Variants in ADAM10 observed in about 807,000 individuals in gnomAD.
ADAM10 encodes ADAM metallopeptidase domain 10, also known as disintegrin and metalloproteinase domain-containing protein 10.
Under a neutral mutation model 90.1 loss-of-function variants are expected in ADAM10, and 17 were observed. The ratio of observed to expected loss-of-function variants is 0.19; its 90% CI spans 0.13 to 0.28. ADAM10 has a LOEUF of 0.28. ADAM10 is among the 10% of genes least tolerant of loss of function. The pLI is 1.00. For missense variants in ADAM10, 610 were observed against 914.3 expected (o/e 0.67, Z 4.29); for synonymous variants, 310 against 298.6 (o/e 1.04, Z -0.40).
Position 58,591,745 on chromosome 15 carries a change from C to T in ADAM10, c.*5802G>A, listed in dbSNP as rs997823743. The T allele has an allele frequency of 1.3e-5, 2 of 152,176 alleles. No homozygotes were observed. Among genetic ancestry groups the T allele is most frequent in the Admixed American group, 6.5e-5 (1 of 15,274 alleles). 9.4% of individuals were successfully genotyped at this position (152,176 alleles called of 1,614,324 possible). A position where few individuals can be genotyped will look rare whatever the true frequency, so the allele number is the denominator to read the frequency against. On this transcript the variant is annotated 3_prime_UTR_variant, in exon 16 of 16. Coordinates refer to ENST00000260408, the MANE Select transcript of ADAM10 (RefSeq NM_001110.4). ...TATTTTTAAGCAAAAACTTATACAT[C>T]GTATCATTTCATTTTTTAAGTGTTT...
At position 58,631,675 on chromosome 15, in the gene ADAM10, G is replaced by A. The variant is rs79724510; in HGVS notation, c.1176+1521C>T. ...ACTAAAGGCCAGACAAGTAGCTGGA[G>A]GAGTACTAAAATTCCCCTGGTAAGG... On this transcript the variant is annotated intron_variant, in intron 9 of 15. Coordinates refer to ENST00000260408, the MANE Select transcript of ADAM10 (RefSeq NM_001110.4). 8.5e-3 allele frequency among the ~76,000 whole-genome samples: 1,294 copies of A among 152,280 alleles called. 31 individuals are homozygous for A. The highest frequency in any genetic ancestry group is 0.029 in the African/African-American group (1,219 of 41,528).
chr15:58,640,994 A>T (rs559431936), intron 7 of ADAM10, 34 bp from the exon 8 acceptor site: 1 of 1,581,950 alleles, frequency 6.3e-7, no homozygotes, highest in Admixed American at 1.7e-5. Context: ...GTAAGTAATT[A>T]ATGTTAGCAG....
chr15:58,693,933 C>T (rs1897900521), intron 2 of ADAM10, among the ~76,000 whole-genome samples: 1 of 152,066 alleles, frequency 6.6e-6, no homozygotes, highest in Non-Finnish European at 1.5e-5. Context: ...AAAGAAGATA[C>T]ACAGGTGGCA....
Position 58,627,668 on chromosome 15 carries a change from T to A in ADAM10, c.1360+32A>T, listed in dbSNP as rs769300357. On this transcript the variant is annotated intron_variant, in intron 10 of 15. Transcript: ENST00000260408. ...CAAGTTGTCTGAATGTTTGAAAATGTTCATAACAAAACGTTAGGAAAATAT... is the reference window on the plus strand; with the variant it reads ...CAAGTTGTCTGAATGTTTGAAAATGATCATAACAAAACGTTAGGAAAATAT... The A allele has an allele frequency of 3.8e-6, 6 of 1,589,268 alleles. No individual in the cohort carries two copies. In the East Asian group the frequency reaches 1.1e-4, roughly 30 times the overall value.
At chr15:58,641,884 G>A (rs960250704) in intron 7 of ADAM10, among the ~76,000 whole-genome samples, 6 of 152,138 alleles carry the variant, frequency 3.9e-5, no homozygotes, top group African/African-American at 1.2e-4. Context: ...AGAGCTACAG[G>A]TCTCTTTATG....
chr15:58,648,766 G>A (rs919612012), intron 5 of ADAM10, among the ~76,000 whole-genome samples: 3 of 151,794 alleles, frequency 2.0e-5, no homozygotes, highest in South Asian at 4.2e-4. Flanking sequence ...ATAATATTAC[G>A]GACATACAAA....
chr15:58,682,391 A>G (rs1156286354), intron 2 of ADAM10, 77 bp from the exon 3 acceptor site: 1 of 1,534,854 alleles, frequency 6.5e-7, no homozygotes, highest in African/African-American at 1.4e-5. Context: ...TTTATTTTAA[A>G]AAGTCTACAA....
rs1205981533 is a variant in ADAM10, at chr15:58,738,776, T to G, written c.55+10704A>C. On this transcript the variant is annotated intron_variant, in intron 1 of 15. Coordinates refer to ENST00000260408, the MANE Select transcript of ADAM10 (RefSeq NM_001110.4). ...AAAATTGAAATGTGTACGTAAGATT[T>G]CTATGCTGATTTGAAATTCTTTTAT... Among the ~76,000 whole-genome samples the G allele has an allele frequency of 3.3e-5, 5 of 152,376 alleles. 1 individual carries two copies. The highest frequency in any genetic ancestry group is 2.6e-4 in the Admixed American group (4 of 15,310).
At chr15:58,704,751 A>G (rs895603106) in intron 2 of ADAM10, among the ~76,000 whole-genome samples, 6 of 152,212 alleles carry the variant, frequency 3.9e-5, no homozygotes, top group African/African-American at 1.4e-4. Flanking sequence ...GAGCACTTTT[A>G]CATATATTAC....
At chr15:58,716,403 G>C (rs889823968) in intron 2 of ADAM10, among the ~76,000 whole-genome samples, 5 of 152,144 alleles carry the variant, frequency 3.3e-5, no homozygotes, top group Non-Finnish European at 5.9e-5. Flanking sequence ...AGTTTAGACG[G>C]AATTAAAAAG....
chr15:58,632,059 A>G (rs1431872006), intron 9 of ADAM10, among the ~76,000 whole-genome samples: 3 of 152,228 alleles, frequency 2.0e-5, no homozygotes, highest in Non-Finnish European at 4.4e-5. Context: ...TTTGCAAGTG[A>G]TAAGGTGAAA....
intron 2 of ADAM10, among the ~76,000 whole-genome samples, chr15:58,697,085 T>C (rs190266678): frequency 1.3e-4 from 20 of 152,328 alleles, no homozygotes; most frequent in African/African-American, 4.6e-4. Context: ...TGCATTTTCA[T>C]GTGCCCCAAG....
At chr15:58,673,634 G>A (rs572119859) in intron 4 of ADAM10, among the ~76,000 whole-genome samples, 9 of 151,782 alleles carry the variant, frequency 5.9e-5, no homozygotes, top group South Asian at 2.1e-4. Flanking sequence ...TTTATATAAC[G>A]TTACGTAATA....
intron 1 of ADAM10, among the ~76,000 whole-genome samples, chr15:58,727,698 G>A (rs1017449568): frequency 6.6e-6 from 1 of 152,088 alleles, no homozygotes; most frequent in Non-Finnish European, 1.5e-5. Context: ...ATGAGTTAAA[G>A]TAAAAAGGAC....
intron 5 of ADAM10, among the ~76,000 whole-genome samples, chr15:58,659,873 C>T (rs572325444): frequency 1.6e-4 from 25 of 152,244 alleles, no homozygotes; most frequent in African/African-American, 5.5e-4. Flanking sequence ...GGACTACAGG[C>T]GTCCGCCACC....
intron 5 of ADAM10, among the ~76,000 whole-genome samples, chr15:58,648,544 G>A (rs1175726453): frequency 6.6e-6 from 1 of 151,866 alleles, no homozygotes. Flanking sequence ...TTAAAGAAAG[G>A]TTTTAAATAA....
intron 14 of ADAM10, among the ~76,000 whole-genome samples, chr15:58,604,979 A>G (rs1349105291): frequency 6.6e-6 from 1 of 152,134 alleles, no homozygotes; most frequent in Admixed American, 6.5e-5. Context: ...GTCTCCAGCA[A>G]TTTTCCCTCC....
intron 2 of ADAM10, among the ~76,000 whole-genome samples, chr15:58,700,563 T>C (rs1211036135): frequency 6.6e-6 from 1 of 151,836 alleles, no homozygotes; most frequent in Admixed American, 6.6e-5. Context: ...CCAAAATCCA[T>C]GGGATACAAC....
In ADAM10 at chr15:58,593,368, C is replaced by G. The variant is rs369391358; in HGVS notation, c.*4179G>C. 1 of 151,858 alleles carries G rather than the reference C, an allele frequency of 6.6e-6. No individual in the cohort carries two copies. The highest frequency in any genetic ancestry group is 6.6e-5 in the Admixed American group (1 of 15,228). 9.4% of individuals were successfully genotyped at this position (151,858 alleles called of 1,614,324 possible). A position where few individuals can be genotyped will look rare whatever the true frequency, so the allele number is the denominator to read the frequency against. ...CTGGGATTACAAGCATGTGCCACCA[C>G]GCCCAGCTGTATTTTTAGTAGAGAC... On this transcript the variant is annotated 3_prime_UTR_variant, in exon 16 of 16. Coordinates refer to ENST00000260408, the MANE Select transcript of ADAM10 (RefSeq NM_001110.4).
Sources: allele counts gnomAD v4.1 joint callset (sites outside exome capture counted in the v4.1 genomes callset), GRCh38; gene constraint gnomAD v4.1.1; transcripts MANE v1.5; gene names NCBI Gene and HGNC (gene_info 2026-07-23, HGNC 2026-07-21).